The following AIG1 variants were observed in gnomAD, a reference collection of about 807,000 sequenced individuals.
AIG1 encodes androgen induced 1, also known as androgen-induced gene 1 protein.
AIG1 carries 23 observed loss-of-function variants against 31.4 expected under a neutral mutation model. The observed-to-expected ratio is 0.73, with a 90% CI of 0.53 to 1.04. The LOEUF (loss-of-function observed/expected upper bound fraction) is 1.04. AIG1 is among the 50% of genes least tolerant of loss of function. AIG1 has a pLI of 0.00. For synonymous variants in AIG1, 100 were observed against 110.5 expected (o/e 0.90, Z 0.60); for missense variants, 274 against 295.0 (o/e 0.93, Z 0.52).
intron 3 of AIG1, among the ~76,000 whole-genome samples, chr6:143,200,648 C>T (rs1790625075): frequency 6.6e-6 from 1 of 152,152 alleles, no homozygotes; most frequent in Admixed American, 6.5e-5. Flanking sequence ...CTTTTTACTC[C>T]TCAGTTCCCT....
chr6:143,157,315 C>T (rs970562299), intron 2 of AIG1, among the ~76,000 whole-genome samples: 3 of 152,210 alleles, frequency 2.0e-5, no homozygotes, highest in Non-Finnish European at 4.4e-5. Context: ...ATTGTGTGGC[C>T]TCAGGCCTTG....
intron 1 of AIG1, among the ~76,000 whole-genome samples, chr6:143,105,587 A>G (rs937954329): frequency 6.6e-5 from 10 of 152,228 alleles, no homozygotes; most frequent in African/African-American, 1.9e-4. Context: ...AAATGTGTCC[A>G]CAAGCACAGT....
At chr6:143,308,276 C>A (rs902514650) in intron 4 of AIG1, among the ~76,000 whole-genome samples, 2 of 152,244 alleles carry the variant, frequency 1.3e-5, no homozygotes, top group African/African-American at 2.4e-5. Flanking sequence ...GATGGAAATG[C>A]AGAAATCACC....
intron 3 of AIG1, chr6:143,188,582 GT>G: frequency 5.1e-6 from 5 of 985,230 alleles, no homozygotes; most frequent in South Asian, 4.7e-5. Flanking sequence ...AGATTTCAGG[GT>G]ACAAGTCATC....
chr6:143,246,479 G>GC (rs1001370636), intron 3 of AIG1, among the ~76,000 whole-genome samples: 25 of 152,056 alleles, frequency 1.6e-4, no homozygotes, highest in African/African-American at 5.8e-4. Context: ...GGAAAGACCT[G>GC]CCCCCATGAT....
downstream of AIG1, chr6:143,342,292 C>T: frequency 5.8e-6 from 4 of 685,224 alleles, no homozygotes; most frequent in South Asian, 6.0e-5. Context: ...TGCGGCTCAG[C>T]GTGGGCTCCC....
At chr6:143,157,680 A>G (rs1286877591) in intron 2 of AIG1, among the ~76,000 whole-genome samples, 2 of 151,692 alleles carry the variant, frequency 1.3e-5, no homozygotes, top group African/African-American at 4.8e-5. Context: ...TATTTTTTAT[A>G]TTTTATTTAT....
rs1797557349 is a variant in AIG1, at chr6:143,284,414, A to T, written c.515+189A>T. The stretch of plus-strand genomic sequence containing the variant: ...AGAAAGTATATGCCAAACCTCACAC[A>T]ACAGGAATTTGTTGAACAATCCCAT... On this transcript the variant is annotated intron_variant, in intron 4 of 5. Coordinates refer to ENST00000357847, the MANE Select transcript of AIG1 (RefSeq NM_016108.4). The surrounding 1 kb of genome is among the most constrained non-coding windows in gnomAD (Gnocchi z 4.4). Among the ~76,000 whole-genome samples the T allele has an allele frequency of 6.6e-6, 1 of 152,224 alleles. No individual in the cohort carries two copies. Among genetic ancestry groups the T allele is most frequent in the African/African-American group, 2.4e-5 (1 of 41,454 alleles).
chr6:143,339,681 C>G lies in AIG1; in HGVS notation c.*5C>G. On this transcript the variant is annotated 3_prime_UTR_variant, in exon 6 of 6. Coordinates refer to ENST00000357847, the MANE Select transcript of AIG1 (RefSeq NM_016108.4). ...GAAAAGCCTAAATTGGAATGAGATC[C>G]AAGTCTAAACGCAAGAGCTAGATTG... 3 of 1,612,856 alleles carry G rather than the reference C, an allele frequency of 1.9e-6. No homozygotes were observed. Among genetic ancestry groups the G allele is most frequent in the South Asian group, 2.2e-5 (2 of 90,920 alleles).
At position 143,341,022 on chromosome 6, in the gene AIG1, A is replaced by G. The variant is rs1007216215; in HGVS notation, c.*1346A>G. ...TCAAAAAGTTAATTTAAAATTAGTT[A>G]CATTTAAATGTAATTAAATGCTAAA... On this transcript the variant is annotated 3_prime_UTR_variant, in exon 6 of 6. Coordinates refer to ENST00000357847, the MANE Select transcript of AIG1 (RefSeq NM_016108.4). 9.8e-5 allele frequency among the ~76,000 whole-genome samples: 15 copies of G among 152,346 alleles called. No homozygotes were observed. Among genetic ancestry groups the G allele is most frequent in the Admixed American group, 2.0e-4 (3 of 15,310 alleles).
At chr6:143,141,337 A>AT (rs1784229883) in intron 2 of AIG1, among the ~76,000 whole-genome samples, 1 of 152,176 alleles carries the variant, frequency 6.6e-6, no homozygotes, top group Non-Finnish European at 1.5e-5. Context: ...AACGAGGTTA[A>AT]TTGAGAGTTG....
chr6:143,157,681 TTTTA>T (rs1357573525), intron 2 of AIG1, among the ~76,000 whole-genome samples: 2 of 152,110 alleles, frequency 1.3e-5, no homozygotes, highest in Admixed American at 6.6e-5. Context: ...ATTTTTTATA[TTTTA>T]TTTATTTCAT....
rs1212421585 is a variant in AIG1, at chr6:143,331,357, TCTCCACTC to T, written c.516-1923_516-1916del. On this transcript the variant is annotated intron_variant, in intron 4 of 5. Coordinates refer to ENST00000357847, the MANE Select transcript of AIG1 (RefSeq NM_016108.4). This position sits in a 1 kb window ranked among gnomAD's most constrained non-coding sequence, Gnocchi z 4.1. ...TTCCCGTTAAACAATAACTCCCTAT[TCTCCACTC>T]CCCCGAGTCCCTGGTAACTGATAGA... is the stretch of plus-strand genomic sequence containing the variant. Among the ~76,000 whole-genome samples, 3 of 152,158 alleles carry T rather than the reference TCTCCACTC, an allele frequency of 2.0e-5. No homozygotes were observed. In the East Asian group the frequency reaches 5.8e-4, roughly 29 times the overall value.
In AIG1 at chr6:143,291,033, C is replaced by T. The variant is rs1327286442; in HGVS notation, c.515+6808C>T. ...GGAAGGAAGGGCCTCTCCACACTGACCAAAGCCAAGTGTGAGGCTCTAAGA... is the reference window on the plus strand; with the variant it reads ...GGAAGGAAGGGCCTCTCCACACTGATCAAAGCCAAGTGTGAGGCTCTAAGA... On this transcript the variant is annotated intron_variant, in intron 4 of 5. Coordinates refer to ENST00000357847, the MANE Select transcript of AIG1 (RefSeq NM_016108.4). This position sits in a 1 kb window ranked among gnomAD's most constrained non-coding sequence, Gnocchi z 4.2. Among the ~76,000 whole-genome samples the T allele has an allele frequency of 6.6e-6, 1 of 152,030 alleles. No individual in the cohort carries two copies. The highest frequency in any genetic ancestry group is 1.5e-5 in the Non-Finnish European group (1 of 68,014).
In AIG1 at chr6:143,287,737, T is replaced by TAA. The variant is rs59551903; in HGVS notation, c.515+3538_515+3539dup. On this transcript the variant is annotated intron_variant, in intron 4 of 5. Transcript: ENST00000357847. ...CCCATAGAACAATGCCTGACTACAG[T>TAA]AAAAAAAAAAAAAAAAAAAAAAAAA... Among the ~76,000 whole-genome samples, 569 of 78,014 alleles carry TAA rather than the reference T, an allele frequency of 7.3e-3. 26 individuals carry two copies. Among genetic ancestry groups the TAA allele is most frequent in the Admixed American group, 0.032 (194 of 6,138 alleles). The allele number at this position is 78,014 out of a possible 152,430, so 51.2% of individuals were successfully genotyped here. A position where few individuals can be genotyped will look rare whatever the true frequency, so the allele number is the denominator to read the frequency against.
At chr6:143,259,272 A>G (rs1795577390) in intron 3 of AIG1, among the ~76,000 whole-genome samples, 1 of 152,224 alleles carries the variant, frequency 6.6e-6, no homozygotes, top group Non-Finnish European at 1.5e-5. Context: ...AAAACAGACT[A>G]AGACAACCTG....
rs527960355 is a variant in AIG1 at position 143,179,764 on chromosome 6, T to C, written c.399+14581T>C. 7.4e-4 allele frequency among the ~76,000 whole-genome samples: 112 copies of C among 152,238 alleles called. 1 individual carries two copies. The highest frequency in any genetic ancestry group is 1.9e-4 in the Non-Finnish European group (13 of 68,044). ...CTTTTTGTATAAATACTAAGTTATC[T>C]CCAGGATCTATGAAAATATCAAAAG... On this transcript the variant is annotated intron_variant, in intron 3 of 5. Coordinates refer to ENST00000357847, the MANE Select transcript of AIG1 (RefSeq NM_016108.4).
intron 1 of AIG1, among the ~76,000 whole-genome samples, chr6:143,110,484 A>C (rs1056770796): frequency 3.3e-5 from 5 of 152,020 alleles, no homozygotes; most frequent in African/African-American, 1.2e-4. Flanking sequence ...CTTGTCAGTA[A>C]AGTTTTGGGT....
At chr6:143,061,961 G>T (rs990353464) in intron 1 of AIG1, among the ~76,000 whole-genome samples, 3 of 152,156 alleles carry the variant, frequency 2.0e-5, no homozygotes, top group African/African-American at 7.2e-5. Context: ...TTAGGAAGAG[G>T]CTTAAAACAA....
Sources: gnomAD v4.1 joint callset for allele counts (sites outside exome capture counted in the v4.1 genomes callset) on GRCh38, gnomAD v4.1.1 for gene constraint, Gnocchi (gnomAD v3.1) non-coding constraint, MANE v1.5 for transcripts, NCBI Gene and HGNC (gene_info 2026-07-23, HGNC 2026-07-21) for gene names.